BCHE: variants seen among roughly 807,000 people sequenced by gnomAD.
The protein encoded by BCHE is cholinesterase.
A neutral mutation model predicts 51.3 loss-of-function variants in BCHE; 48 were observed. The observed-to-expected ratio is 0.94, with a 90% CI of 0.74 to 1.19. BCHE has a LOEUF of 1.19. BCHE is among the 50% of genes most tolerant of loss of function. The pLI is 0.00. For synonymous variants in BCHE, 251 were observed against 238.0 expected, an observed-to-expected ratio of 1.05 and a Z score of -0.50; for missense variants, 847 against 708.2, an observed-to-expected ratio of 1.20 and a Z score of -2.23.
At chr3:165,777,502 T>G (rs911935636) in intron 3 of BCHE, among the ~76,000 whole-genome samples, 1 of 152,072 alleles carries the variant, frequency 6.6e-6, no homozygotes, top group Non-Finnish European at 1.5e-5. Flanking sequence ...AATAGACATA[T>G]CAACTAAAAA....
chr3:165,829,895 T>C lies in BCHE; in HGVS notation c.1139A>G (p.Glu380Gly). ...NSIITRKEFQ[E>G]GLKIFFPGVS... ...TCCTGGAAAAAATATTTTTAAACCT[T>C]CCTGAAATTCTTTTCTAGTTATGAT... The change falls in exon 2 of 4, where the codon GAA becomes GGA. Residue 380 changes from glutamate to glycine, a missense_variant. Glu to Gly is a moderately conservative substitution (Grantham distance 98). Transcript: ENST00000264381. 1.9e-6 allele frequency: 3 copies of C among 1,611,132 alleles called. No individual in the cohort carries two copies. Among genetic ancestry groups the C allele is most frequent in the South Asian group, 1.1e-5 (1 of 90,466 alleles).
At chr3:165,800,651 A>G (rs572560846) in intron 2 of BCHE, among the ~76,000 whole-genome samples, 2 of 152,234 alleles carry the variant, frequency 1.3e-5, no homozygotes, top group Non-Finnish European at 2.9e-5. Context: ...TGAAAAAATG[A>G]GATTACTCTT....
chr3:165,809,377 A>G (rs1034106218), intron 2 of BCHE, among the ~76,000 whole-genome samples: 4 of 152,122 alleles, frequency 2.6e-5, no homozygotes, highest in African/African-American at 4.8e-5. Context: ...AAAGCATTAC[A>G]CTATTGCCAA....
In BCHE at chr3:165,829,566, T is replaced by C. The variant is rs1257693907; in HGVS notation, c.1468A>G (p.Ile490Val). ...RRDNYTKAEE[I>V]LSRSIVKRWA... Reference sequence around the variant, plus strand: ...CGTTTCACTATGGATCTACTCAAAATTTCCTCGGCTTTTGTGTAATTATCT... The same window carrying C: ...CGTTTCACTATGGATCTACTCAAAACTTCCTCGGCTTTTGTGTAATTATCT... The change falls in exon 2 of 4, where the codon ATT (isoleucine) becomes GTT (valine). Residue 490 changes from isoleucine to valine, a missense_variant. Ile to Val is a conservative substitution (Grantham distance 29, BLOSUM62 3). Transcript: ENST00000264381. The C allele has an allele frequency of 6.2e-7, 1 of 1,613,650 alleles. No homozygotes were observed. The highest frequency in any genetic ancestry group is 8.5e-7 in the Non-Finnish European group (1 of 1,179,824).
At chr3:165,776,436 T>C (rs1712474232) in intron 3 of BCHE, among the ~76,000 whole-genome samples, 2 of 151,888 alleles carry the variant, frequency 1.3e-5, no homozygotes, top group South Asian at 2.1e-4. Context: ...ATAATGATAA[T>C]AGCAATGTTG....
chr3:165,829,679 C>T lies in BCHE; in HGVS notation c.1355G>A (p.Arg452Gln). ...NNAFFYYFEHRSSKLPWPEWM... is the reference protein window; with the variant it reads ...NNAFFYYFEHQSSKLPWPEWM... ...TTCTGGCCACGGAAGTTTGGAGGAT[C>T]GGTGTTCAAAATAGTAGAAAAAGGC... Residue 452 changes from arginine (R) to glutamine (Q), a missense_variant, in exon 2 of 4, where the codon CGA becomes CAA. By Grantham distance (43) the Arg-to-Gln change is conservative. Transcript: ENST00000264381. 1.2e-6 allele frequency: 2 copies of T among 1,613,814 alleles called. No homozygotes were observed. The highest frequency in any genetic ancestry group is 1.3e-5 in the African/African-American group (1 of 74,980).
At chr3:165,820,662 C>T (rs929949900) in intron 2 of BCHE, among the ~76,000 whole-genome samples, 18 of 151,882 alleles carry the variant, frequency 1.2e-4, no homozygotes, top group African/African-American at 3.9e-4. Flanking sequence ...CTGGAAGCCA[C>T]GTGAACTATT....
At chr3:165,792,860 C>T (rs1203894817) in intron 2 of BCHE, among the ~76,000 whole-genome samples, 22 of 152,172 alleles carry the variant, frequency 1.4e-4, no homozygotes. Flanking sequence ...CCTCCAAAAA[C>T]TGCTATCATT....
intron 2 of BCHE, among the ~76,000 whole-genome samples, chr3:165,806,095 G>T (rs7640117): frequency 6.6e-6 from 1 of 151,760 alleles, no homozygotes; most frequent in Non-Finnish European, 1.5e-5. Flanking sequence ...CACACAAAAT[G>T]ATTTTTCTAA....
chr3:165,812,311 G>A (rs917693114), intron 2 of BCHE, among the ~76,000 whole-genome samples: 9 of 149,144 alleles, frequency 6.0e-5, no homozygotes, highest in South Asian at 2.1e-4. Flanking sequence ...GTCCCACTAC[G>A]TTTATCATGT....
At chr3:165,776,593 C>T (rs552750375) in intron 3 of BCHE, among the ~76,000 whole-genome samples, 19 of 151,862 alleles carry the variant, frequency 1.3e-4, no homozygotes, top group African/African-American at 2.6e-4. Flanking sequence ...ATTGATGTGA[C>T]GTTTTCTTTA....
At chr3:165,797,655 A>G (rs1002396721) in intron 2 of BCHE, among the ~76,000 whole-genome samples, 1 of 152,012 alleles carries the variant, frequency 6.6e-6, no homozygotes, top group African/African-American at 2.4e-5. Context: ...AATAATCTCA[A>G]ACTTGAAACA....
chr3:165,798,478 C>T (rs533688765), intron 2 of BCHE, among the ~76,000 whole-genome samples: 2 of 152,204 alleles, frequency 1.3e-5, no homozygotes, highest in East Asian at 3.9e-4. Context: ...TTAACATTCA[C>T]TATAATTCTT....
In BCHE at chr3:165,831,169, T is replaced by TACATAGGAAAAGGC. The variant is rs1375575502; in HGVS notation, c.-8-129_-8-128insGCCTTTTCCTATGT. ...AATTATGAAAACAAATAAACCTGCT[T>TACATAGGAAAAGGC]CTGTAAAGGCCTACATAGGAAAAAA... is the stretch of plus-strand genomic sequence containing the variant. On this transcript the variant is annotated intron_variant, in intron 1 of 3. Transcript: ENST00000264381. 1.3e-5 allele frequency: 11 copies of TACATAGGAAAAGGC among 841,812 alleles called. No homozygotes were observed. In the East Asian group the frequency reaches 2.9e-4, roughly 23 times the overall value. 52.1% of individuals were successfully genotyped at this position (841,812 alleles called of 1,614,324 possible).
At chr3:165,832,620 A>G (rs978106123) in intron 1 of BCHE, among the ~76,000 whole-genome samples, 1 of 152,130 alleles carries the variant, frequency 6.6e-6, no homozygotes, top group Non-Finnish European at 1.5e-5. Context: ...TTATATAACT[A>G]AAATAGTCAA....
intron 2 of BCHE, among the ~76,000 whole-genome samples, chr3:165,806,463 C>T (rs1462169401): frequency 6.6e-6 from 1 of 152,040 alleles, no homozygotes; most frequent in East Asian, 1.9e-4. Flanking sequence ...TGTTATCTGC[C>T]AGCGGTAAGT....
At chr3:165,820,053 T>G (rs1714454461) in intron 2 of BCHE, among the ~76,000 whole-genome samples, 1 of 152,126 alleles carries the variant, frequency 6.6e-6, no homozygotes, top group Non-Finnish European at 1.5e-5. Flanking sequence ...TCCAAGTAAA[T>G]CGATCCTATA....
intron 2 of BCHE, among the ~76,000 whole-genome samples, chr3:165,795,121 ACT>A (rs940009986): frequency 2.0e-5 from 3 of 152,128 alleles, no homozygotes; most frequent in Admixed American, 6.5e-5. Context: ...TAAAAAAGAA[ACT>A]CACATTTTCT....
intron 2 of BCHE, among the ~76,000 whole-genome samples, chr3:165,804,480 T>C (rs191765849): frequency 1.9e-3 from 286 of 152,268 alleles, no homozygotes; most frequent in African/African-American, 6.7e-3. Context: ...CATAGTCATA[T>C]GTGGATGGGC....
Sources: gnomAD v4.1 joint callset for allele counts (sites outside exome capture counted in the v4.1 genomes callset) on GRCh38, gnomAD v4.1.1 for gene constraint, MANE v1.5 for transcripts, NCBI Gene and HGNC (gene_info 2026-07-23, HGNC 2026-07-21) for gene names.